IRS1: variants seen among roughly 807,000 people sequenced by gnomAD.
IRS1 encodes the protein insulin receptor substrate 1.
Under a neutral mutation model 65.6 loss-of-function variants are expected in IRS1, and 34 were observed. The ratio of observed to expected loss-of-function variants is 0.52; its 90% CI spans 0.39 to 0.69. The LOEUF is 0.69. IRS1 is among the 30% of genes least tolerant of loss of function. IRS1 has a pLI of 0.00. For missense variants in IRS1, 1,641 were observed against 1,720.2 expected (o/e 0.95, Z 0.81); for synonymous variants, 699 against 683.5 (o/e 1.02, Z -0.35).
At chr2:226,760,430 C>T (rs1938894196) in intron 1 of IRS1, among the ~76,000 whole-genome samples, 1 of 152,182 alleles carries the variant, frequency 6.6e-6, no homozygotes, top group Non-Finnish European at 1.5e-5. Flanking sequence ...AATGTCAATA[C>T]AAGAGGATCT....
chr2:226,741,774 A>T (rs978537164), intron 1 of IRS1, among the ~76,000 whole-genome samples: 11 of 140,710 alleles, frequency 7.8e-5, no homozygotes, highest in Non-Finnish European at 1.4e-4. Context: ...AATCTGGCAA[A>T]TGAGCCCAGT....
intron 1 of IRS1, among the ~76,000 whole-genome samples, chr2:226,783,677 T>A (rs1939431125): frequency 6.6e-6 from 1 of 152,230 alleles, no homozygotes; most frequent in Non-Finnish European, 1.5e-5. Flanking sequence ...ATGCAGTTGA[T>A]AAACATTTAC....
rs139085419 is a variant in IRS1 at position 226,753,662 on chromosome 2, T to C, written c.*22-17412A>G. Reference sequence around the variant, plus strand: ...TCTATAAGAAAATCATAGGTACTCATAAATATAGTCTAAGGTCCATATGAC... The same window carrying C: ...TCTATAAGAAAATCATAGGTACTCACAAATATAGTCTAAGGTCCATATGAC... On this transcript the variant is annotated intron_variant, in intron 1 of 1. Transcript: ENST00000305123. Among the ~76,000 whole-genome samples, 153 of 152,322 alleles carry C rather than the reference T, an allele frequency of 1.0e-3. 1 individual carries two copies. Among genetic ancestry groups the C allele is most frequent in the Non-Finnish European group, 1.0e-3 (70 of 68,024 alleles).
intron 1 of IRS1, among the ~76,000 whole-genome samples, chr2:226,766,133 A>ATC (rs1939029390): frequency 3.3e-4 from 1 of 3,068 alleles, no homozygotes; most frequent in African/African-American, 8.8e-4. Flanking sequence ...ATATATATAT[A>ATC]TATATATATA....
intron 1 of IRS1, among the ~76,000 whole-genome samples, chr2:226,740,530 C>T (rs905610348): frequency 3.3e-5 from 5 of 151,986 alleles, no homozygotes; most frequent in Admixed American, 1.3e-4. Flanking sequence ...GCTTACTGAT[C>T]GTTTTTACTG....
intron 1 of IRS1, among the ~76,000 whole-genome samples, chr2:226,790,113 CTA>C (rs1466403595): frequency 2.6e-5 from 4 of 152,166 alleles, no homozygotes; most frequent in Admixed American, 1.3e-4. Context: ...CACAACATTC[CTA>C]TGTTTAGAGC....
Position 226,796,177 on chromosome 2 carries a change from G to A in IRS1, c.2562C>T (p.Arg854=), listed in dbSNP as rs1045429605. Reference sequence around the variant, plus strand: ...GGGACAGCCTCGTGGGCCGGGCCAGGCGGCTATTGGTCTGAGCAGCTGTGT... The same window carrying A: ...GGGACAGCCTCGTGGGCCGGGCCAGACGGCTATTGGTCTGAGCAGCTGTGT... ...KVDTAAQTNS[R]LARPTRLSLG... is the part of the protein sequence containing the mutation. Residue 854 remains arginine, a synonymous_variant, in exon 1 of 2, where the codon CGC becomes CGT. Transcript: ENST00000305123. The A allele has an allele frequency of 4.3e-6, 7 of 1,613,606 alleles. No individual in the cohort carries two copies. In the African/African-American group the frequency reaches 8.0e-5, roughly 18 times the overall value.
At chr2:226,791,391 C>T (rs527806799) in intron 1 of IRS1, among the ~76,000 whole-genome samples, 244 of 152,318 alleles carry the variant, frequency 1.6e-3, no homozygotes, top group Middle Eastern at 3.4e-3. Context: ...CAAAATGGGG[C>T]TCGTCACATG....
chr2:226,798,166 G>A lies in IRS1; in HGVS notation c.573C>T (p.Thr191=). ...CCGAGTTCAGCTTCACGAAGCTGATGGTCTTGCTGGTCAGGCAAAGGCGGT... is the reference window on the plus strand; with the variant it reads ...CCGAGTTCAGCTTCACGAAGCTGATAGTCTTGCTGGTCAGGCAAAGGCGGT... ...GIYRLCLTSK[T]ISFVKLNSEA... The change falls in exon 1 of 2, where the codon ACC becomes ACT. Residue 191 remains threonine, a synonymous_variant. Transcript: ENST00000305123. This position sits in a 1 kb window ranked among gnomAD's most constrained non-coding sequence, Gnocchi z 9.4. 1 of 1,614,000 alleles carries A rather than the reference G, an allele frequency of 6.2e-7. No individual in the cohort carries two copies. The highest frequency in any genetic ancestry group is 8.5e-7 in the Non-Finnish European group (1 of 1,180,024).
chr2:226,777,405 G>T (rs1402250207), intron 1 of IRS1, among the ~76,000 whole-genome samples: 3 of 152,086 alleles, frequency 2.0e-5, no homozygotes. Context: ...TTTTCCAAAG[G>T]ATTTTCAAAC....
At position 226,795,316 on chromosome 2, in the gene IRS1, G is replaced by A. The variant is rs745918297; in HGVS notation, c.3423C>T (p.His1141=). The part of the protein sequence containing the change: ...SSSSSEDVKR[H]SSASFENVWL... Reference sequence around the variant, plus strand: ...ACACATTCTCAAAGGAAGCAGAGCTGTGGCGTTTCACATCCTCGCTGCTGC... The same window carrying A: ...ACACATTCTCAAAGGAAGCAGAGCTATGGCGTTTCACATCCTCGCTGCTGC... The change falls in exon 1 of 2, where the codon CAC becomes CAT. Residue 1141 remains histidine (H), a synonymous_variant. Transcript: ENST00000305123. 31 of 1,613,742 alleles carry A rather than the reference G, an allele frequency of 1.9e-5. No individual in the cohort carries two copies. The highest frequency in any genetic ancestry group is 2.5e-5 in the Non-Finnish European group (30 of 1,180,022).
chr2:226,764,853 C>T (rs1939000832), intron 1 of IRS1, among the ~76,000 whole-genome samples: 1 of 152,142 alleles, frequency 6.6e-6, no homozygotes, highest in African/African-American at 2.4e-5. Context: ...ACAAGATGTA[C>T]CATAAGACAC....
At chr2:226,790,033 C>G (rs1014035724) in intron 1 of IRS1, among the ~76,000 whole-genome samples, 1 of 152,168 alleles carries the variant, frequency 6.6e-6, no homozygotes, top group African/African-American at 2.4e-5. Flanking sequence ...TTATCATGAC[C>G]CTGTCAACAG....
At chr2:226,754,709 G>C (rs1440308740) in intron 1 of IRS1, among the ~76,000 whole-genome samples, 1 of 152,176 alleles carries the variant, frequency 6.6e-6, no homozygotes, top group Non-Finnish European at 1.5e-5. Flanking sequence ...AGGAAACAGG[G>C]TAAGCTTTGT....
In IRS1 at chr2:226,798,978, G is replaced by C; in HGVS notation, c.-240C>G. 6.9e-7 allele frequency: 1 copy of C among 1,440,600 alleles called. No individual in the cohort carries two copies. The highest frequency in any genetic ancestry group is 9.1e-7 in the Non-Finnish European group (1 of 1,095,262). The allele number at this position is 1,440,600 out of a possible 1,614,324, so 89.2% of individuals were successfully genotyped here. The stretch of plus-strand genomic sequence containing the variant: ...CGGGCGCTTCACGCCCGGCGGGGAG[G>C]CAGTGCGTCCGGGGTGAGGGCAGCC... On this transcript the variant is annotated 5_prime_UTR_variant, in exon 1 of 2. Transcript: ENST00000305123. This position sits in a 1 kb window ranked among gnomAD's most constrained non-coding sequence, Gnocchi z 9.4.
At chr2:226,791,624 C>T (rs1330477196) in intron 1 of IRS1, among the ~76,000 whole-genome samples, 1 of 151,932 alleles carries the variant, frequency 6.6e-6, no homozygotes, top group South Asian at 2.1e-4. Flanking sequence ...TGGCAGAAAG[C>T]GGCCCAGGGA....
At chr2:226,780,561 T>C (rs1205311705) in intron 1 of IRS1, among the ~76,000 whole-genome samples, 3 of 152,168 alleles carry the variant, frequency 2.0e-5, no homozygotes, top group Non-Finnish European at 4.4e-5. Flanking sequence ...AGAAGAACTA[T>C]ACTAGTAGAA....
At position 226,797,862 on chromosome 2, in the gene IRS1, G is replaced by A. The variant is rs1175926903; in HGVS notation, c.877C>T (p.Pro293Ser). Residue 293 changes from proline (P) to serine (S), a missense_variant, in exon 1 of 2, where the codon CCG (proline) becomes TCG (serine). Physicochemically the swap from Pro to Ser is moderately conservative, Grantham distance 74. Around this residue, in one of 3 missense-constraint regions of IRS1, gnomAD observed 1,324 missense variants for 1,361.0 expected, o/e 0.97. Transcript: ENST00000305123. The surrounding 1 kb of genome is among the most constrained non-coding windows in gnomAD (Gnocchi z 8.1). ...PLRRHHLNNP[P>S]PSQVGLTRRS... ...CGGGTCAGCCCCACCTGGCTGGGCGGGGGATTGTTGAGATGGTGCCGGCGC... is the reference window on the plus strand; with the variant it reads ...CGGGTCAGCCCCACCTGGCTGGGCGAGGGATTGTTGAGATGGTGCCGGCGC... 1 of 1,603,882 alleles carries A rather than the reference G, an allele frequency of 6.2e-7. No homozygotes were observed. The highest frequency in any genetic ancestry group is 8.5e-7 in the Non-Finnish European group (1 of 1,176,306).
intron 1 of IRS1, among the ~76,000 whole-genome samples, chr2:226,781,111 T>G (rs1287579149): frequency 2.6e-5 from 4 of 152,084 alleles, no homozygotes; most frequent in Non-Finnish European, 4.4e-5. Flanking sequence ...CATGAAGGGG[T>G]AAATTTTCTG....
Sources: gnomAD v4.1 joint callset for allele counts (sites outside exome capture counted in the v4.1 genomes callset) on GRCh38, gnomAD v4.1.1 for gene constraint, gnomAD v4.1.1 regional missense constraint, Gnocchi (gnomAD v3.1) non-coding constraint, MANE v1.5 for transcripts, NCBI Gene and HGNC (gene_info 2026-07-23, HGNC 2026-07-21) for gene names.